Variants in ADCY9 observed in about 807,000 individuals in gnomAD.
The protein encoded by ADCY9 is adenylate cyclase 9.
In ADCY9, 50 loss-of-function variants were observed where a neutral mutation model predicts 101.5. The ratio of observed to expected loss-of-function variants is 0.49; its 90% CI spans 0.39 to 0.62. The LOEUF is 0.62. Ranked by LOEUF, ADCY9 falls within the 20% of genes least tolerant of loss-of-function variation. The pLI is 0.00. For missense variants in ADCY9, 1,662 were observed against 1,800.4 expected (o/e 0.92, Z 1.39); for synonymous variants, 905 against 769.3 (o/e 1.18, Z -2.92).
chr16:4,044,075 G>A (rs369508758), intron 2 of ADCY9, among the ~76,000 whole-genome samples: 4 of 152,022 alleles, frequency 2.6e-5, no homozygotes, highest in South Asian at 2.1e-4. Context: ...GGCCAGGCAC[G>A]GTGGCTCATG....
At chr16:3,973,965 T>C (rs927106306) in intron 10 of ADCY9, among the ~76,000 whole-genome samples, 2 of 152,266 alleles carry the variant, frequency 1.3e-5, no homozygotes, top group African/African-American at 4.8e-5. Context: ...TTTCCGACTC[T>C]TCAATTTATT....
At chr16:3,979,003 C>G in intron 8 of ADCY9, 113 bp downstream of exon 8, 2 of 1,386,220 alleles carry the variant, frequency 1.4e-6, no homozygotes, top group East Asian at 4.7e-5. Flanking sequence ...GCGTGAGCCA[C>G]CATGCCTGGC....
chr16:4,003,193 G>C (rs1324067451), intron 3 of ADCY9, among the ~76,000 whole-genome samples: 2 of 152,116 alleles, frequency 1.3e-5, no homozygotes. Flanking sequence ...CAAGTGACTT[G>C]GTTACGGCCG....
intron 2 of ADCY9, among the ~76,000 whole-genome samples, chr16:4,070,503 A>G (rs1414302985): frequency 1.3e-5 from 2 of 152,186 alleles, no homozygotes; most frequent in African/African-American, 4.8e-5. Flanking sequence ...AGAAACCTGG[A>G]ATGTCATTCC....
At chr16:4,014,563 T>C (rs1171908805) in intron 2 of ADCY9, among the ~76,000 whole-genome samples, 7 of 151,688 alleles carry the variant, frequency 4.6e-5, no homozygotes. Context: ...TACTCCTGCC[T>C]CAGCCTCCTG....
At chr16:3,990,211 TC>T (rs2056232990) in intron 5 of ADCY9, among the ~76,000 whole-genome samples, 1 of 152,012 alleles carries the variant, frequency 6.6e-6, no homozygotes, top group Non-Finnish European at 1.5e-5. Flanking sequence ...ATCCTTGTAA[TC>T]CCCAGACCTT....
intron 6 of ADCY9, among the ~76,000 whole-genome samples, chr16:3,987,370 G>A (rs1257351783): frequency 6.6e-6 from 1 of 152,242 alleles, no homozygotes; most frequent in African/African-American, 2.4e-5. Flanking sequence ...TGCTGTTTGG[G>A]AGGCTCAGCA....
At chr16:4,018,983 TG>T (rs1232822372) in intron 2 of ADCY9, among the ~76,000 whole-genome samples, 1 of 7,552 alleles carries the variant, frequency 1.3e-4, no homozygotes, top group African/African-American at 1.7e-4. Flanking sequence ...TGTTTTGTTT[TG>T]TTTTTTTAAG....
chr16:3,982,972 A>G, intron 7 of ADCY9: 1 of 530,340 alleles, frequency 1.9e-6, no homozygotes, highest in East Asian at 3.0e-5. Context: ...GAACCTGGAA[A>G]TCTGGGGACA....
intron 2 of ADCY9, among the ~76,000 whole-genome samples, chr16:4,071,332 C>CAAAAAAAAAAAAAAAAAAAA (rs530420293): frequency 1.7e-4 from 12 of 70,530 alleles, no homozygotes; most frequent in East Asian, 5.2e-4. Context: ...ACTCAGTCTC[C>CAAAAAAAAAAAAAAAAAAAA]AAAAAAAAAA....
At chr16:4,108,908 G>T (rs368568229) in intron 2 of ADCY9, among the ~76,000 whole-genome samples, 2 of 151,328 alleles carry the variant, frequency 1.3e-5, no homozygotes, top group African/African-American at 4.9e-5. Flanking sequence ...GTTTCACCAC[G>T]TTGGCCAGGC....
intron 2 of ADCY9, among the ~76,000 whole-genome samples, chr16:4,099,718 T>C (rs1339357459): frequency 6.6e-6 from 1 of 152,172 alleles, no homozygotes; most frequent in Non-Finnish European, 1.5e-5. Context: ...TCCAAGAGTT[T>C]ATATTGATTC....
At chr16:4,091,469 A>G (rs1334818225) in intron 2 of ADCY9, among the ~76,000 whole-genome samples, 2 of 152,220 alleles carry the variant, frequency 1.3e-5, no homozygotes, top group African/African-American at 2.4e-5. Context: ...TGTGCCCCAA[A>G]GAACTGAGAA....
chr16:4,105,398 A>C (rs370135240), intron 2 of ADCY9, among the ~76,000 whole-genome samples: 37 of 152,106 alleles, frequency 2.4e-4, no homozygotes, highest in African/African-American at 8.4e-4. Context: ...TAGGCCGGGC[A>C]TGGTGGCTCA....
intron 3 of ADCY9, among the ~76,000 whole-genome samples, chr16:4,006,819 G>T (rs60311156): frequency 0.048 from 7,278 of 152,190 alleles, 289 homozygotes; most frequent in African/African-American, 0.11. Context: ...CCAGAAACGG[G>T]CACTTCTAGG....
Position 3,970,319 on chromosome 16 carries a change from C to G in ADCY9, c.2871-3353G>C, listed in dbSNP as rs534315469. On this transcript the variant is annotated intron_variant, in intron 10 of 10. Coordinates refer to ENST00000294016, the MANE Select transcript of ADCY9 (RefSeq NM_001116.4). ...GTGCTGGGATTACAGGGATGAGCCA[C>G]CACGCCTGGCCAAAACTCAATTCTT... 1.1e-3 allele frequency among the ~76,000 whole-genome samples: 173 copies of G among 152,236 alleles called. 2 individuals carry two copies. Among genetic ancestry groups the G allele is most frequent in the African/African-American group, 3.9e-3 (164 of 41,558 alleles).
At chr16:4,072,994 G>GAAAAAAAA (rs59730727) in intron 2 of ADCY9, among the ~76,000 whole-genome samples, 1 of 129,672 alleles carries the variant, frequency 7.7e-6, no homozygotes, top group Non-Finnish European at 1.6e-5. Flanking sequence ...TATCCTAAAA[G>GAAAAAAAA]AAAAAAAAAA....
intron 2 of ADCY9, among the ~76,000 whole-genome samples, chr16:4,049,309 T>C (rs2056685975): frequency 6.6e-6 from 1 of 152,072 alleles, no homozygotes; most frequent in Admixed American, 6.6e-5. Context: ...AGGCTTCGTC[T>C]CTGCAGTGGA....
chr16:4,073,113 C>A (rs2056845344), intron 2 of ADCY9, among the ~76,000 whole-genome samples: 1 of 150,924 alleles, frequency 6.6e-6, no homozygotes, highest in East Asian at 1.9e-4. Flanking sequence ...TCTTTTTTTT[C>A]AGAAAGAGTC....
Sources: gnomAD v4.1 joint callset for allele counts (sites outside exome capture counted in the v4.1 genomes callset) on GRCh38, gnomAD v4.1.1 for gene constraint, MANE v1.5 for transcripts, NCBI Gene and HGNC (gene_info 2026-07-23, HGNC 2026-07-21) for gene names.